The following HOXC9 variants were observed in gnomAD, a reference collection of about 807,000 sequenced individuals.
HOXC9 encodes homeobox C9, also known as homeobox protein Hox-C9.
HOXC9 carries 10 observed loss-of-function variants against 20.0 expected under a neutral mutation model. The ratio of observed to expected loss-of-function variants is 0.50; its 90% confidence interval spans 0.31 to 0.85. HOXC9 has a LOEUF of 0.85. HOXC9 is among the 40% of genes least tolerant of loss of function. The pLI is 0.05. For missense variants in HOXC9, 394 were observed against 376.7 expected (o/e 1.05, Z -0.38); for synonymous variants, 200 against 163.7 (o/e 1.22, Z -1.69).
At position 54,000,569 on chromosome 12, in the gene HOXC9, C is replaced by A. The variant is rs1035487171; in HGVS notation, c.381C>A (p.Arg127=). 2 of 1,535,644 alleles carry A rather than the reference C, an allele frequency of 1.3e-6. No individual in the cohort carries two copies. Among genetic ancestry groups the A allele is most frequent in the East Asian group, 2.4e-5 (1 of 41,126 alleles). The change falls in exon 1 of 2, where the codon CGC becomes CGA. Residue 127 remains arginine, a synonymous_variant. Transcript: ENST00000303450. ...AGCCGGACGCCTACCCCGGGCGCCG[C>A]GCGGACTGCGGCCCAGGGGAGGGCC... ...ALKPDAYPGR[R]ADCGPGEGRS...
Position 54,000,233 on chromosome 12 carries a change from C to T in HOXC9, c.45C>T (p.Leu15=), listed in dbSNP as rs1204925553. The change falls in exon 1 of 2, where the codon CTC becomes CTT. Residue 15 remains leucine, a synonymous_variant. Coordinates refer to ENST00000303450, the MANE Select transcript of HOXC9 (RefSeq NM_006897.3). The part of the protein sequence containing the change: ...GPISNYYVDS[L]ISHDNEDLLA... Reference sequence around the variant, plus strand: ...TCAGTAACTATTACGTGGACTCGCTCATCTCTCACGACAATGAAGACCTCC... The same window carrying T: ...TCAGTAACTATTACGTGGACTCGCTTATCTCTCACGACAATGAAGACCTCC... The T allele has an allele frequency of 6.2e-7, 1 of 1,614,084 alleles. No homozygotes were observed. Among genetic ancestry groups the T allele is most frequent in the African/African-American group, 1.3e-5 (1 of 74,938 alleles).
In HOXC9 at chr12:54,000,484, C is replaced by A. The variant is rs371710144; in HGVS notation, c.296C>A (p.Pro99Gln). The A allele has an allele frequency of 1.9e-6, 3 of 1,599,966 alleles. No homozygotes were observed. The highest frequency in any genetic ancestry group is 1.1e-5 in the South Asian group (1 of 90,982). ...DTRYMRTWLE[P>Q]LSGAVSFPSF... The stretch of plus-strand genomic sequence containing the variant: ...CGCTACATGCGGACTTGGCTCGAGC[C>A]GCTGTCCGGCGCCGTCTCCTTCCCC... Residue 99 changes from proline to glutamine, a missense_variant, in exon 1 of 2, where the codon CCG (proline) becomes CAG (glutamine). Transcript: ENST00000303450.
In HOXC9 at chr12:54,002,709, G is replaced by A; in HGVS notation, c.*35G>A. The A allele has an allele frequency of 6.4e-7, 1 of 1,570,044 alleles. No individual in the cohort carries two copies. The highest frequency in any genetic ancestry group is 8.6e-7 in the Non-Finnish European group (1 of 1,157,866). Reference sequence around the variant, plus strand: ...AGCCTGCTGCCTCAGCACAGCCAAGGGAAAAACAAAAACCCCACAAAATAC... The same window carrying A: ...AGCCTGCTGCCTCAGCACAGCCAAGAGAAAAACAAAAACCCCACAAAATAC... On this transcript the variant is annotated 3_prime_UTR_variant, in exon 2 of 2. Coordinates refer to ENST00000303450, the MANE Select transcript of HOXC9 (RefSeq NM_006897.3).
Position 54,000,584 on chromosome 12 carries a change from A to C in HOXC9, c.396A>C (p.Pro132=), listed in dbSNP as rs765017212. 89 of 1,531,700 alleles carry C rather than the reference A, an allele frequency of 5.8e-5. No homozygotes were observed. The highest frequency in any genetic ancestry group is 7.5e-5 in the Non-Finnish European group (86 of 1,147,142). The allele number at this position is 1,531,700 out of a possible 1,614,324, so 94.9% of individuals were successfully genotyped here. Residue 132 remains proline (P), a synonymous_variant, in exon 1 of 2, where the codon CCA becomes CCC. Coordinates refer to ENST00000303450, the MANE Select transcript of HOXC9 (RefSeq NM_006897.3). ...AYPGRRADCG[P]GEGRSYPDYM... is the part of the protein sequence containing the mutation. ...CCGGGCGCCGCGCGGACTGCGGCCC[A>C]GGGGAGGGCCGCAGCTACCCGGACT...
At position 54,000,602 on chromosome 12, in the gene HOXC9, C is replaced by T. The variant is rs763900968; in HGVS notation, c.414C>T (p.Tyr138=). The T allele has an allele frequency of 6.5e-6, 10 of 1,537,250 alleles. No homozygotes were observed. Among genetic ancestry groups the T allele is most frequent in the Non-Finnish European group, 8.7e-6 (10 of 1,148,522 alleles). The change falls in exon 1 of 2, where the codon TAC becomes TAT. Residue 138 remains tyrosine, a synonymous_variant. Transcript: ENST00000303450. ...ADCGPGEGRS[Y]PDYMYGSPGE... ...GCGGCCCAGGGGAGGGCCGCAGCTA[C>T]CCGGACTACATGTACGGCTCGCCCG...
Position 54,000,390 on chromosome 12 carries a change from C to G in HOXC9, c.202C>G (p.Pro68Ala). Residue 68 changes from proline to alanine, a missense_variant, in exon 1 of 2, where the codon CCC becomes GCC. By Grantham distance (27) the Pro-to-Ala change is conservative (BLOSUM62 -1). Coordinates refer to ENST00000303450, the MANE Select transcript of HOXC9 (RefSeq NM_006897.3). ...KPAVFSTSWA[P>A]VPSQSSVVYH... is the part of the protein sequence containing the mutation. The stretch of plus-strand genomic sequence containing the variant: ...GGCAGTGTTCAGCACGTCGTGGGCG[C>G]CCGTGCCCTCTCAGTCGTCCGTGGT... 1 of 1,613,350 alleles carries G rather than the reference C, an allele frequency of 6.2e-7. No individual in the cohort carries two copies. The highest frequency in any genetic ancestry group is 8.5e-7 in the Non-Finnish European group (1 of 1,180,008).
Position 54,002,710 on chromosome 12 carries a change from GA to G in HOXC9, c.*41del. 1 of 1,564,594 alleles carries G rather than the reference GA, an allele frequency of 6.4e-7. No individual in the cohort carries two copies. Among genetic ancestry groups the G allele is most frequent in the African/African-American group, 1.4e-5 (1 of 72,732 alleles). ...GCCTGCTGCCTCAGCACAGCCAAGG[GA>G]AAAACAAAAACCCCACAAAATACCC... On this transcript the variant is annotated 3_prime_UTR_variant, in exon 2 of 2. Transcript: ENST00000303450.
chr12:54,002,653 A>G lies in HOXC9; in HGVS notation c.762A>G (p.Lys254=). Residue 254 remains lysine, a synonymous_variant, in exon 2 of 2, where the codon AAA becomes AAG. Coordinates refer to ENST00000303450, the MANE Select transcript of HOXC9 (RefSeq NM_006897.3). ...RMKMKKMNKE[K]TDKEQS ...AGATGAAAAAGATGAATAAAGAGAA[A>G]ACCGACAAGGAGCAGTCCTAAACCC... The G allele has an allele frequency of 6.8e-6, 11 of 1,614,066 alleles. No individual in the cohort carries two copies. The highest frequency in any genetic ancestry group is 9.3e-6 in the Non-Finnish European group (11 of 1,179,972).
intron 1 of HOXC9, 46 bp from the exon 2 acceptor site, chr12:54,002,384 G>T (rs769888551): frequency 6.3e-7 from 1 of 1,590,706 alleles, no homozygotes; most frequent in Admixed American, 1.7e-5. Flanking sequence ...GAAGTCCTGG[G>T]CTGGAAAGGG....
rs562264631 is a variant in HOXC9 at position 54,003,252 on chromosome 12, G to A, written c.*578G>A. The A allele has an allele frequency of 1.3e-3, 202 of 152,550 alleles. 1 individual carries two copies. The highest frequency in any genetic ancestry group is 2.6e-3 in the Admixed American group (40 of 15,326). The allele number at this position is 152,550 out of a possible 1,614,324, so 9.4% of individuals were successfully genotyped here. The stretch of plus-strand genomic sequence containing the variant: ...GTGTTCCCTCTCATCCCCAGGGTTC[G>A]TCCCCAGCGTCCGTCCTGTAACGTG... On this transcript the variant is annotated 3_prime_UTR_variant, in exon 2 of 2. Coordinates refer to ENST00000303450, the MANE Select transcript of HOXC9 (RefSeq NM_006897.3).
In HOXC9 at chr12:54,000,497, C is replaced by T. The variant is rs1050705421; in HGVS notation, c.309C>T (p.Ala103=). Residue 103 remains alanine, a synonymous_variant, in exon 1 of 2, where the codon GCC becomes GCT. Coordinates refer to ENST00000303450, the MANE Select transcript of HOXC9 (RefSeq NM_006897.3). Reference sequence around the variant, plus strand: ...CTTGGCTCGAGCCGCTGTCCGGCGCCGTCTCCTTCCCCAGCTTCCCGGCCG... The same window carrying T: ...CTTGGCTCGAGCCGCTGTCCGGCGCTGTCTCCTTCCCCAGCTTCCCGGCCG... ...MRTWLEPLSG[A]VSFPSFPAGG... The T allele has an allele frequency of 5.0e-6, 8 of 1,598,832 alleles. No individual in the cohort carries two copies. The highest frequency in any genetic ancestry group is 6.8e-6 in the Non-Finnish European group (8 of 1,179,042).
At position 54,000,261 on chromosome 12, in the gene HOXC9, G is replaced by T; in HGVS notation, c.73G>T (p.Ala25Ser). The change falls in exon 1 of 2, where the codon GCG becomes TCG. Residue 25 changes from alanine (A) to serine (S), a missense_variant. By Grantham distance (99) the Ala-to-Ser change is moderately conservative. Transcript: ENST00000303450. ...LISHDNEDLL[A>S]SRFPATGAHP... ...CTCTCACGACAATGAAGACCTCCTA[G>T]CGTCCAGGTTTCCGGCCACCGGGGC... 1 of 1,614,104 alleles carries T rather than the reference G, an allele frequency of 6.2e-7. No homozygotes were observed. Among genetic ancestry groups the T allele is most frequent in the African/African-American group, 1.3e-5 (1 of 75,052 alleles).
At position 54,000,264 on chromosome 12, in the gene HOXC9, T is replaced by G; in HGVS notation, c.76T>G (p.Ser26Ala). The change falls in exon 1 of 2, where the codon TCC (serine) becomes GCC (alanine). Residue 26 changes from serine (S) to alanine (A), a missense_variant. Physicochemically the swap from Ser to Ala is moderately conservative, Grantham distance 99. Transcript: ENST00000303450. ...ISHDNEDLLA[S>A]RFPATGAHPA... ...TCACGACAATGAAGACCTCCTAGCGTCCAGGTTTCCGGCCACCGGGGCTCA... is the reference window on the plus strand; with the variant it reads ...TCACGACAATGAAGACCTCCTAGCGGCCAGGTTTCCGGCCACCGGGGCTCA... 1 of 1,614,166 alleles carries G rather than the reference T, an allele frequency of 6.2e-7. No homozygotes were observed. The highest frequency in any genetic ancestry group is 1.3e-5 in the African/African-American group (1 of 75,072).
chr12:54,001,392 G>T (rs1939740875), intron 1 of HOXC9, among the ~76,000 whole-genome samples: 1 of 151,644 alleles, frequency 6.6e-6, no homozygotes, highest in Non-Finnish European at 1.5e-5. Context: ...TGGGGATCAG[G>T]GATGAGGAGT....
At chr12:54,001,036 C>CGGACAG (rs1267522023) in intron 1 of HOXC9, among the ~76,000 whole-genome samples, 1 of 152,014 alleles carries the variant, frequency 6.6e-6, no homozygotes, top group East Asian at 1.9e-4. Context: ...CGAAGAAAGG[C>CGGACAG]GGACAGGGCC....
chr12:54,000,218 T>C lies in HOXC9; in HGVS notation c.30T>C (p.Tyr10=), dbSNP rs745631359. MSATGPISN[Y]YVDSLISHDN... ...CGGCGACGGGGCCCATCAGTAACTA[T>C]TACGTGGACTCGCTCATCTCTCACG... Residue 10 remains tyrosine (Y), a synonymous_variant, in exon 1 of 2, where the codon TAT becomes TAC. Transcript: ENST00000303450. 1.2e-6 allele frequency: 2 copies of C among 1,614,142 alleles called. No individual in the cohort carries two copies. Among genetic ancestry groups the C allele is most frequent in the South Asian group, 2.2e-5 (2 of 91,084 alleles).
chr12:54,002,881 G>A lies in HOXC9; in HGVS notation c.*207G>A. The A allele has an allele frequency of 2.0e-6, 1 of 508,930 alleles. No individual in the cohort carries two copies. The highest frequency in any genetic ancestry group is 3.3e-6 in the Non-Finnish European group (1 of 304,332). 31.5% of individuals were successfully genotyped at this position (508,930 alleles called of 1,614,324 possible). On this transcript the variant is annotated 3_prime_UTR_variant, in exon 2 of 2. Transcript: ENST00000303450. ...AGTGTTGAGATATTGGTGTTTTAGA[G>A]TTAGTTCTACCCAGCGAGGAGGAGG...
chr12:54,000,688 G>A lies in HOXC9; in HGVS notation c.500G>A (p.Gly167Asp). 1.3e-6 allele frequency: 2 copies of A among 1,567,964 alleles called. No homozygotes were observed. The highest frequency in any genetic ancestry group is 1.7e-6 in the Non-Finnish European group (2 of 1,163,584). ...LPSPEADALA[G>D]SKHKEEKADL... The stretch of plus-strand genomic sequence containing the variant: ...TCGCCCGAGGCGGACGCGCTCGCCG[G>A]CAGCAAGCACAAAGAGGAGAAGGCC... The change falls in exon 1 of 2, where the codon GGC becomes GAC. Residue 167 changes from glycine (G) to aspartate (D), a missense_variant. Gly to Asp is a moderately conservative substitution (Grantham distance 94). Coordinates refer to ENST00000303450, the MANE Select transcript of HOXC9 (RefSeq NM_006897.3).
rs1344966766 is a variant in HOXC9 at position 54,002,712 on chromosome 12, AAAAC to A, written c.*42_*45del. On this transcript the variant is annotated 3_prime_UTR_variant, in exon 2 of 2. Coordinates refer to ENST00000303450, the MANE Select transcript of HOXC9 (RefSeq NM_006897.3). Reference sequence around the variant, plus strand: ...CTGCTGCCTCAGCACAGCCAAGGGAAAAACAAAAACCCCACAAAATACCCCAACA... The same window carrying A: ...CTGCTGCCTCAGCACAGCCAAGGGAAAAAAACCCCACAAAATACCCCAACA... 2 of 1,571,086 alleles carry A rather than the reference AAAAC, an allele frequency of 1.3e-6. No homozygotes were observed. Among genetic ancestry groups the A allele is most frequent in the East Asian group, 4.5e-5 (2 of 44,232 alleles).
Sources: allele counts gnomAD v4.1 joint callset (sites outside exome capture counted in the v4.1 genomes callset), GRCh38; gene constraint gnomAD v4.1.1; transcripts MANE v1.5; gene names NCBI Gene and HGNC (gene_info 2026-07-23, HGNC 2026-07-21).